The following CDH3 variants were observed in gnomAD, a reference collection of about 807,000 sequenced individuals.
The protein encoded by CDH3 is cadherin 3.
CDH3 carries 54 observed loss-of-function variants against 82.0 expected under a neutral mutation model. The ratio of observed to expected loss-of-function variants is 0.66; its 90% CI spans 0.53 to 0.83. The LOEUF (loss-of-function observed/expected upper bound fraction) is 0.83. CDH3 is among the 40% of genes least tolerant of loss of function. The pLI is 0.00. For synonymous variants in CDH3, 446 were observed against 437.9 expected (o/e 1.02, Z -0.23); for missense variants, 1,054 against 1,084.6 (o/e 0.97, Z 0.40).
At chr16:68,728,294 C>A (rs1044527230), downstream of CDH3, among the ~76,000 whole-genome samples, 2 of 151,934 alleles carry the variant, frequency 1.3e-5, no homozygotes, top group African/African-American at 4.8e-5. Flanking sequence ...GCCTCCGGAG[C>A]AGCTGGGACT....
intron 11 of CDH3, chr16:68,686,644 C>T (rs1221271821): frequency 2.2e-6 from 2 of 896,622 alleles, no homozygotes; most frequent in Non-Finnish European, 3.7e-6. Context: ...AGGATTATCT[C>T]CTATTTAGGG....
intron 12 of CDH3, among the ~76,000 whole-genome samples, chr16:68,689,919 C>T (rs1961519139): frequency 1.3e-5 from 2 of 152,170 alleles, no homozygotes; most frequent in Admixed American, 1.3e-4. Context: ...TGGTAGAAAC[C>T]CGCAATGCTG....
chr16:68,647,335 A>G (rs1024148498), intron 2 of CDH3, among the ~76,000 whole-genome samples: 1 of 142,122 alleles, frequency 7.0e-6, no homozygotes, highest in African/African-American at 2.6e-5. Context: ...TCTGTACCTT[A>G]TCTTTCCTAC....
chr16:68,694,299 C>T (rs1310306207), intron 13 of CDH3, among the ~76,000 whole-genome samples: 2 of 116,878 alleles, frequency 1.7e-5, no homozygotes, highest in Non-Finnish European at 3.4e-5. Context: ...GGCAACAGAG[C>T]GAGACTCCCT....
At chr16:68,686,308 A>C in intron 11 of CDH3, 1 of 785,776 alleles carries the variant, frequency 1.3e-6, no homozygotes, top group Non-Finnish European at 2.2e-6. Context: ...ACGTGTCGCC[A>C]GGGTCAGACC....
intron 2 of CDH3, chr16:68,651,101 C>T: frequency 2.3e-6 from 1 of 427,542 alleles, no homozygotes; most frequent in Non-Finnish European, 4.7e-6. Flanking sequence ...TCGTTGGTGC[C>T]CGAGGGAGCC....
chr16:68,695,948 GGCCACCCTTTATTCAA>G, intron 15 of CDH3, 25 bp downstream of exon 15: 1 of 1,612,974 alleles, frequency 6.2e-7, no homozygotes, highest in Non-Finnish European at 8.5e-7. Context: ...GCCAGTCGAG[GGCCACCCTTTATTCAA>G]GCCCAGCACC....
Position 68,691,915 on chromosome 16 carries a change from T to C in CDH3, c.1991T>C (p.Leu664Pro). Residue 664 changes from leucine (L) to proline (P), a missense_variant, in exon 13 of 16, where the codon CTG becomes CCG. Physicochemically the swap from Leu to Pro is moderately conservative, Grantham distance 98. Coordinates refer to ENST00000264012, the MANE Select transcript of CDH3 (RefSeq NM_001793.6). ...GFILPVLGAV[L>P]ALLFLLLVLL... ...ATCCTCCCTGTGCTGGGGGCTGTCC[T>C]GGCTCTGCTGTGTGAGTACCAGGCC... 1.2e-6 allele frequency: 2 copies of C among 1,612,588 alleles called. No individual in the cohort carries two copies. The highest frequency in any genetic ancestry group is 1.7e-6 in the Non-Finnish European group (2 of 1,179,334).
chr16:68,710,266 A>C (rs559692225), intron 1 of CDH3, among the ~76,000 whole-genome samples: 1 of 152,304 alleles, frequency 6.6e-6, no homozygotes, highest in Admixed American at 6.5e-5. Context: ...TCTGAAAGGC[A>C]GTTTCTGCAC....
At chr16:68,698,136 A>C (rs1247337942) in intron 15 of CDH3, 55 bp from the exon 16 acceptor site, 2 of 1,523,270 alleles carry the variant, frequency 1.3e-6, no homozygotes, top group Admixed American at 3.3e-5. Context: ...GGAGGCTTGC[A>C]GCTGGCAAGA....
chr16:68,658,473 G>T (rs932231939), intron 2 of CDH3, among the ~76,000 whole-genome samples: 2 of 152,150 alleles, frequency 1.3e-5, no homozygotes, highest in Non-Finnish European at 2.9e-5. Flanking sequence ...TGAGAGGGCG[G>T]CTGGCTGGAC....
intron 15 of CDH3, 23 bp from the exon 16 acceptor site, chr16:68,698,168 C>G: frequency 6.2e-7 from 1 of 1,613,162 alleles, no homozygotes; most frequent in Non-Finnish European, 8.5e-7. Flanking sequence ...CCGCTCCTAA[C>G]TACCTGTTCT....
intron 2 of CDH3, among the ~76,000 whole-genome samples, chr16:68,659,414 A>G (rs1421345143): frequency 1.3e-5 from 2 of 152,052 alleles, no homozygotes; most frequent in Non-Finnish European, 2.9e-5. Flanking sequence ...TACAAAAAAT[A>G]CAAAAATTAG....
intron 8 of CDH3, 21 bp downstream of exon 8, chr16:68,681,117 A>G (rs369065127): frequency 6.2e-7 from 1 of 1,613,592 alleles, no homozygotes; most frequent in Non-Finnish European, 8.5e-7. Context: ...TTCCTCACTC[A>G]GTCCCTCATC....
In CDH3 at chr16:68,681,112, C is replaced by T. The variant is rs1332478616; in HGVS notation, c.996+16C>T. On this transcript the variant is annotated intron_variant, in intron 8 of 15. Coordinates refer to ENST00000264012, the MANE Select transcript of CDH3 (RefSeq NM_001793.6). ...CCCCCAGAAGGTAATGCCCCTTCCT[C>T]ACTCAGTCCCTCATCAGATAATGAA... is the stretch of plus-strand genomic sequence containing the variant. 6.2e-7 allele frequency: 1 copy of T among 1,613,588 alleles called. No homozygotes were observed. The highest frequency in any genetic ancestry group is 1.1e-5 in the South Asian group (1 of 91,050).
At chr16:68,726,856 G>A (rs1465178809) in intron 2 of CDH3, among the ~76,000 whole-genome samples, 2 of 152,202 alleles carry the variant, frequency 1.3e-5, no homozygotes, top group East Asian at 1.9e-4. Flanking sequence ...TGGGATTACA[G>A]GCATGAGCCA....
chr16:68,708,138 G>T (rs1393473854), intron 1 of CDH3, among the ~76,000 whole-genome samples: 1 of 152,054 alleles, frequency 6.6e-6, no homozygotes, highest in Non-Finnish European at 1.5e-5. Context: ...AACCAGCCTG[G>T]CCAACAAGGT....
downstream of CDH3, among the ~76,000 whole-genome samples, chr16:68,731,481 CGTATATACACATATAT>C (rs1401738410): frequency 0.077 from 2,899 of 37,408 alleles, 115 homozygotes; most frequent in Middle Eastern, 0.22. Context: ...TACACACACA[CGTATATACACATATAT>C]ATATACACAC....
intron 12 of CDH3, among the ~76,000 whole-genome samples, chr16:68,688,911 C>T (rs919952649): frequency 6.6e-6 from 1 of 152,184 alleles, no homozygotes; most frequent in Non-Finnish European, 1.5e-5. Context: ...TGAGCCACCA[C>T]ACCTGGCCTA....
Sources: gnomAD v4.1 joint callset for allele counts (sites outside exome capture counted in the v4.1 genomes callset) on GRCh38, gnomAD v4.1.1 for gene constraint, MANE v1.5 for transcripts, NCBI Gene and HGNC (gene_info 2026-07-23, HGNC 2026-07-21) for gene names.